The following TOM1 variants were observed in gnomAD, a reference collection of about 807,000 sequenced individuals.
TOM1 encodes the protein target of Myb protein 1.
TOM1 carries 38 observed loss-of-function variants against 61.3 expected under a neutral mutation model. The observed-to-expected ratio is 0.62, with a 90% CI of 0.48 to 0.81. TOM1 has a LOEUF of 0.81. Among genes scored for constraint, TOM1 ranks in the 40% least tolerant of loss-of-function variants. The probability of loss-of-function intolerance (pLI) is 0.00; values close to 1 mark genes in which losing one functional copy is unlikely to be tolerated. For synonymous variants in TOM1, 270 were observed against 268.8 expected (o/e 1.00, Z -0.04); for missense variants, 591 against 659.6 (o/e 0.90, Z 1.14).
chr22:35,311,697 G>C (rs1926840997), intron 1 of TOM1, among the ~76,000 whole-genome samples: 2 of 152,232 alleles, frequency 1.3e-5, no homozygotes, highest in African/African-American at 4.8e-5. Context: ...GAGCACACAA[G>C]TTTGGAGCAC....
At chr22:35,308,273 C>T (rs1396154663) in intron 1 of TOM1, among the ~76,000 whole-genome samples, 4 of 139,354 alleles carry the variant, frequency 2.9e-5, no homozygotes, top group Non-Finnish European at 6.2e-5. Context: ...AGTTCCTTTT[C>T]TCTTTTTTTT....
At position 35,347,320 on chromosome 22, in the gene TOM1, C is replaced by CCCTTTT; in HGVS notation, c.*115_*120dup. 1 of 1,172,348 alleles carries CCCTTTT rather than the reference C, an allele frequency of 8.5e-7. No individual in the cohort carries two copies. The highest frequency in any genetic ancestry group is 2.4e-4 in the Middle Eastern group (1 of 4,230). 72.6% of individuals were successfully genotyped at this position (1,172,348 alleles called of 1,614,324 possible). On this transcript the variant is annotated 3_prime_UTR_variant, in exon 15 of 15. Transcript: ENST00000449058. Reference sequence around the variant, plus strand: ...GCTGCTTTGGGGGTGGCTTGTTACCCCCTTTTCCTCCTCTTTGAAGACGGA... The same window carrying CCCTTTT: ...GCTGCTTTGGGGGTGGCTTGTTACCCCCTTTTCCTTTTCCTCCTCTTTGAAGACGGA...
At chr22:35,307,451 C>G (rs1926418712) in intron 1 of TOM1, among the ~76,000 whole-genome samples, 2 of 152,352 alleles carry the variant, frequency 1.3e-5, no homozygotes, top group Admixed American at 6.5e-5. Flanking sequence ...ATTTTGATCA[C>G]TGGGACGTAA....
At chr22:35,337,354 C>A (rs1462904152) in intron 11 of TOM1, among the ~76,000 whole-genome samples, 1 of 152,196 alleles carries the variant, frequency 6.6e-6, no homozygotes, top group Admixed American at 6.5e-5. Context: ...CACCTCCAGA[C>A]CCTCAATTAG....
rs568714472 is a variant in TOM1 at position 35,320,449 on chromosome 22, G to A, written c.138-1510G>A. ...CAGCTTCCAGGGGCCTCCCAACACC[G>A]TGACCCCTAGGCTTCTTCAGCCCTC... On this transcript the variant is annotated intron_variant, in intron 2 of 14. Transcript: ENST00000449058. Among the ~76,000 whole-genome samples the A allele has an allele frequency of 7.2e-5, 11 of 152,146 alleles. No individual in the cohort carries two copies. In the South Asian group the frequency reaches 8.3e-4, roughly 11 times the overall value.
chr22:35,330,382 G>A lies in TOM1; in HGVS notation c.801G>A (p.Arg267=). 3 of 1,613,410 alleles carry A rather than the reference G, an allele frequency of 1.9e-6. No individual in the cohort carries two copies. The highest frequency in any genetic ancestry group is 1.1e-5 in the South Asian group (1 of 91,046). ...GCACGTGCCGAGCCATGCAGCAGCG[G>A]GTCCTGGAGCTCATCCCTCAGATCG... The part of the protein sequence containing the change: ...LNRTCRAMQQ[R]VLELIPQIAN... Residue 267 remains arginine, a synonymous_variant, in exon 8 of 15, where the codon CGG becomes CGA. Transcript: ENST00000449058.
At chr22:35,320,152 C>T (rs911649689) in intron 2 of TOM1, among the ~76,000 whole-genome samples, 10 of 152,288 alleles carry the variant, frequency 6.6e-5, no homozygotes, top group African/African-American at 2.4e-4. Flanking sequence ...CAAGCTTCTT[C>T]TCTACCCAGG....
At chr22:35,338,816 T>G in intron 12 of TOM1, 28 bp downstream of exon 12, 7 of 1,545,846 alleles carry the variant, frequency 4.5e-6, no homozygotes, top group Non-Finnish European at 3.5e-6. Context: ...CCTGCCACCC[T>G]GGGGCCCTCC....
rs1294161409 is a variant in TOM1 at position 35,323,227 on chromosome 22, G to T, written c.366+50G>T. On this transcript the variant is annotated intron_variant, in intron 4 of 14. Coordinates refer to ENST00000449058, the MANE Select transcript of TOM1 (RefSeq NM_005488.3). The surrounding 1 kb of genome is among the most constrained non-coding windows in gnomAD (Gnocchi z 4.2). ...ACGGCCAGGAAGAGCTGTCAGTGCAGGAGCTTCCTGCCCAGTGGAGAGTCG... is the reference window on the plus strand; with the variant it reads ...ACGGCCAGGAAGAGCTGTCAGTGCATGAGCTTCCTGCCCAGTGGAGAGTCG... 3.1e-6 allele frequency: 5 copies of T among 1,600,144 alleles called. No homozygotes were observed. The East Asian group carries it at 6.7e-5, about 21-fold the overall frequency.
At chr22:35,306,531 G>A (rs561822182) in intron 1 of TOM1, among the ~76,000 whole-genome samples, 4 of 152,282 alleles carry the variant, frequency 2.6e-5, no homozygotes, top group African/African-American at 9.6e-5. Context: ...CAGACTGAAT[G>A]GTCTGAGTCC....
At position 35,315,160 on chromosome 22, in the gene TOM1, G is replaced by A. The variant is rs540203575; in HGVS notation, c.53-2717G>A. 1.2e-4 allele frequency among the ~76,000 whole-genome samples: 19 copies of A among 152,214 alleles called. No homozygotes were observed. In the South Asian group the frequency reaches 2.1e-3, roughly 17 times the overall value. ...GCAGGAGGAGGGAAGAAGCTGAGGCGGTAGTCTAGCGGGAGGATGGTGGCC... is the reference window on the plus strand; with the variant it reads ...GCAGGAGGAGGGAAGAAGCTGAGGCAGTAGTCTAGCGGGAGGATGGTGGCC... On this transcript the variant is annotated intron_variant, in intron 1 of 14. Transcript: ENST00000449058.
At chr22:35,300,988 G>T (rs1042333424) in intron 1 of TOM1, among the ~76,000 whole-genome samples, 4 of 150,284 alleles carry the variant, frequency 2.7e-5, no homozygotes, top group Admixed American at 2.0e-4. Context: ...AAGGCGGGCA[G>T]ATCGCTTGAG....
chr22:35,346,624 C>T (rs567381698), intron 13 of TOM1, among the ~76,000 whole-genome samples: 4 of 152,210 alleles, frequency 2.6e-5, no homozygotes, highest in Non-Finnish European at 2.9e-5. Flanking sequence ...CTGGGCTTGG[C>T]GTGCTGTGTG....
chr22:35,344,847 C>T (rs1488987779), intron 12 of TOM1: 1 of 152,320 alleles, frequency 6.6e-6, no homozygotes, highest in Non-Finnish European at 1.5e-5. Context: ...TTTGACATCC[C>T]ATTTCATCCT....
chr22:35,304,619 C>A (rs1488266049), intron 1 of TOM1, among the ~76,000 whole-genome samples: 1 of 152,170 alleles, frequency 6.6e-6, no homozygotes, highest in Non-Finnish European at 1.5e-5. Flanking sequence ...GCTGGGACTA[C>A]AGGCACCCGC....
intron 1 of TOM1, among the ~76,000 whole-genome samples, chr22:35,315,969 C>T (rs911415281): frequency 5.9e-5 from 9 of 152,270 alleles, no homozygotes; most frequent in Admixed American, 3.3e-4. Context: ...CCACCCTCCC[C>T]GAGCCGGGGC....
intron 1 of TOM1, among the ~76,000 whole-genome samples, chr22:35,311,581 A>T (rs974210629): frequency 9.2e-5 from 14 of 152,238 alleles, no homozygotes; most frequent in African/African-American, 3.1e-4. Context: ...CGGTCATTCC[A>T]AAAGTATGTA....
chr22:35,340,015 C>T (rs1412398740), intron 12 of TOM1, among the ~76,000 whole-genome samples: 3 of 152,258 alleles, frequency 2.0e-5, no homozygotes, highest in Non-Finnish European at 4.4e-5. Context: ...TTGTCCAGCA[C>T]CGAGCACATT....
chr22:35,300,126 T>TC (rs1454562022), intron 1 of TOM1, 146 bp downstream of exon 1: 5 of 880,158 alleles, frequency 5.7e-6, no homozygotes, highest in Non-Finnish European at 8.6e-6. Context: ...CGCCCAGCTT[T>TC]CCTCCCACTC....
Sources: gnomAD v4.1 joint callset for allele counts (sites outside exome capture counted in the v4.1 genomes callset) on GRCh38, gnomAD v4.1.1 for gene constraint, Gnocchi (gnomAD v3.1) non-coding constraint, MANE v1.5 for transcripts, NCBI Gene and HGNC (gene_info 2026-07-23, HGNC 2026-07-21) for gene names.